Variants in CPNE9 observed in about 807,000 individuals in gnomAD.
CPNE9 encodes copine family member 9.
Under a neutral mutation model 83.0 loss-of-function variants are expected in CPNE9, and 59 were observed. The ratio of observed to expected loss-of-function variants is 0.71; its 90% CI spans 0.58 to 0.88. CPNE9 has a LOEUF of 0.88. Ranked by LOEUF, CPNE9 falls within the 40% of genes least tolerant of loss-of-function variation. CPNE9 has a pLI of 0.00. For synonymous variants in CPNE9, 256 were observed against 273.4 expected, an observed-to-expected ratio of 0.94 and a Z score of 0.63; for missense variants, 619 against 720.8, an observed-to-expected ratio of 0.86 and a Z score of 1.62.
Position 9,708,105 on chromosome 3 carries a change from C to G in CPNE9, c.377+2042C>G, listed in dbSNP as rs142721528. Among the ~76,000 whole-genome samples the G allele has an allele frequency of 3.3e-5, 5 of 152,238 alleles. No individual in the cohort carries two copies. The East Asian group carries it at 9.7e-4, about 29-fold the overall frequency. On this transcript the variant is annotated intron_variant, in intron 7 of 20. Transcript: ENST00000383832. Reference sequence around the variant, plus strand: ...GGAACTACAAGTGGATGCCAGCAGCCCCAGCTAATTTTTAAATTATTTTTT... The same window carrying G: ...GGAACTACAAGTGGATGCCAGCAGCGCCAGCTAATTTTTAAATTATTTTTT...
At chr3:9,717,505 T>C (rs2076694518) in intron 15 of CPNE9, among the ~76,000 whole-genome samples, 1 of 152,078 alleles carries the variant, frequency 6.6e-6, no homozygotes, top group African/African-American at 2.4e-5. Flanking sequence ...AAAGTTTAAG[T>C]TGGGGAAATA....
In CPNE9 at chr3:9,726,710, G is replaced by C; in HGVS notation, c.1390G>C (p.Ala464Pro). The change falls in exon 19 of 21, where the codon GCC becomes CCC. Residue 464 changes from alanine (A) to proline (P), a missense_variant. Coordinates refer to ENST00000383832, the MANE Select transcript of CPNE9 (RefSeq NM_153635.3). ...TATCATTATCGTCGGTGTAGGACCA[G>C]CCATGTTTGAGGGTGAGTAGGAAGG... ...MSIIIVGVGP[A>P]MFEAMEELDG... The C allele has an allele frequency of 6.2e-7, 1 of 1,614,006 alleles. No homozygotes were observed. Among genetic ancestry groups the C allele is most frequent in the Non-Finnish European group, 8.5e-7 (1 of 1,179,892 alleles).
chr3:9,705,469 A>G lies in CPNE9; in HGVS notation c.266A>G (p.Asn89Ser). ...CGGTTCCACTCTTTTCCCAGGTACA[A>G]CGTGGACTCCAAAACCAACATCTCC... Reference protein sequence around the residue: ...EKQNLRFDVYNVDSKTNISKP... With the variant: ...EKQNLRFDVYSVDSKTNISKP... The change falls in exon 5 of 21, where the codon AAC becomes AGC. Residue 89 changes from asparagine to serine, a missense_variant. Physicochemically the swap from Asn to Ser is conservative, Grantham distance 46. Transcript: ENST00000383832. The G allele has an allele frequency of 5.1e-6, 8 of 1,567,360 alleles. No homozygotes were observed. Among genetic ancestry groups the G allele is most frequent in the Non-Finnish European group, 6.9e-6 (8 of 1,154,466 alleles).
rs746351427 is a variant in CPNE9 at position 9,713,051 on chromosome 3, C to T, written c.622C>T (p.Arg208Trp). ...GTGGCAGCCCTTCAGCATCCCTGTG[C>T]GGGCTCTGTGCAATGGAGACTATGA... is the stretch of plus-strand genomic sequence containing the variant. ...PVWQPFSIPV[R>W]ALCNGDYDRT... Residue 208 changes from arginine to tryptophan, a missense_variant, in exon 10 of 21, where the codon CGG (arginine) becomes TGG (tryptophan). Arg to Trp is a moderately radical substitution (Grantham distance 101, BLOSUM62 -3). Coordinates refer to ENST00000383832, the MANE Select transcript of CPNE9 (RefSeq NM_153635.3). 10 of 1,614,038 alleles carry T rather than the reference C, an allele frequency of 6.2e-6. No individual in the cohort carries two copies. Among genetic ancestry groups the T allele is most frequent in the South Asian group, 1.1e-5 (1 of 91,076 alleles).
chr3:9,712,688 A>G lies in CPNE9; in HGVS notation c.442-37A>G, dbSNP rs144773387. 3.7e-5 allele frequency: 59 copies of G among 1,608,636 alleles called. No homozygotes were observed. In the African/African-American group the frequency reaches 5.3e-4, roughly 15 times the overall value. ...ATGGACTGTCTGAAGGCTATGGACAATTGGGGTGCCACCAGCCCAACTTCA... is the reference window on the plus strand; with the variant it reads ...ATGGACTGTCTGAAGGCTATGGACAGTTGGGGTGCCACCAGCCCAACTTCA... On this transcript the variant is annotated intron_variant, in intron 8 of 20. Transcript: ENST00000383832.
chr3:9,713,688 C>T (rs896023126), intron 10 of CPNE9, among the ~76,000 whole-genome samples: 5 of 151,906 alleles, frequency 3.3e-5, no homozygotes, highest in Non-Finnish European at 4.4e-5. Flanking sequence ...AATGGATGAA[C>T]GGATGGATTT....
At chr3:9,727,223 G>A in intron 20 of CPNE9, 37 bp downstream of exon 20, 1 of 1,610,488 alleles carries the variant, frequency 6.2e-7, no homozygotes, top group Non-Finnish European at 8.5e-7. Context: ...GAGCTGAGAG[G>A]CACAGTGAGA....
In CPNE9 at chr3:9,704,970, A is replaced by G; in HGVS notation, c.236A>G (p.Glu79Gly). 6.2e-7 allele frequency: 1 copy of G among 1,612,732 alleles called. No homozygotes were observed. The highest frequency in any genetic ancestry group is 2.2e-5 in the East Asian group (1 of 44,866). The stretch of plus-strand genomic sequence containing the variant: ...TTCGTCCTCGACTATTTCTTTGAGG[A>G]AAAGCAAAATCTGCGCTTCGATGTG... ...RKFVLDYFFE[E>G]KQNLRFDVYN... is the part of the protein sequence containing the mutation. The change falls in exon 4 of 21, where the codon GAA becomes GGA. Residue 79 changes from glutamate (E) to glycine (G), a missense_variant. Physicochemically the swap from Glu to Gly is moderately conservative, Grantham distance 98. Coordinates refer to ENST00000383832, the MANE Select transcript of CPNE9 (RefSeq NM_153635.3). This position sits in a 1 kb window ranked among gnomAD's most constrained non-coding sequence, Gnocchi z 7.1.
intron 10 of CPNE9, 82 bp from the exon 11 acceptor site, chr3:9,714,832 G>T: frequency 8.7e-7 from 1 of 1,153,108 alleles, no homozygotes; most frequent in South Asian, 1.4e-5. Flanking sequence ...ATGGGGAGAT[G>T]ATATGTGTGT....
intron 17 of CPNE9, among the ~76,000 whole-genome samples, chr3:9,720,692 T>C (rs1399630148): frequency 1.3e-5 from 2 of 152,260 alleles, no homozygotes; most frequent in East Asian, 3.8e-4. Flanking sequence ...GATTTTTTTT[T>C]CACTAATACT....
chr3:9,711,080 T>C (rs1430847631), intron 7 of CPNE9, among the ~76,000 whole-genome samples: 1 of 152,072 alleles, frequency 6.6e-6, no homozygotes, highest in Non-Finnish European at 1.5e-5. Flanking sequence ...GGAATGATTA[T>C]TATAATCACT....
In CPNE9 at chr3:9,725,646, G is replaced by GTATATATGTA. The variant is rs765750387; in HGVS notation, c.1242-294_1242-293insATATATATGT. Among the ~76,000 whole-genome samples, 227 of 65,116 alleles carry GTATATATGTA rather than the reference G, an allele frequency of 3.5e-3. 3 individuals carry two copies. The highest frequency in any genetic ancestry group is 0.015 in the East Asian group (38 of 2,606). 42.7% of individuals were successfully genotyped at this position (65,116 alleles called of 152,430 possible). A position where few individuals can be genotyped will look rare whatever the true frequency, so the allele number is the denominator to read the frequency against. ...TATATATATGTATATACATGTATGT[G>GTATATATGTA]TATATATGTGTATATATGTATATAT... On this transcript the variant is annotated intron_variant, in intron 17 of 20. Coordinates refer to ENST00000383832, the MANE Select transcript of CPNE9 (RefSeq NM_153635.3).
intron 17 of CPNE9, among the ~76,000 whole-genome samples, chr3:9,724,730 ATC>A (rs1213106054): frequency 2.4e-5 from 3 of 124,730 alleles, no homozygotes; most frequent in Non-Finnish European, 1.7e-5. Flanking sequence ...CTATCTATCT[ATC>A]TATCTATCTA....
At chr3:9,715,232 C>G in intron 11 of CPNE9, 57 bp from the exon 12 acceptor site, 1 of 1,558,292 alleles carries the variant, frequency 6.4e-7, no homozygotes, top group Admixed American at 1.7e-5. Context: ...AGACTGGGTT[C>G]AGCTCTGGTT....
chr3:9,724,482 G>A (rs189912473), intron 17 of CPNE9, among the ~76,000 whole-genome samples: 4 of 152,280 alleles, frequency 2.6e-5, no homozygotes, highest in Admixed American at 2.6e-4. Flanking sequence ...AATCTTGCCA[G>A]GGGTTGATAA....
Position 9,718,498 on chromosome 3 carries a change from C to T in CPNE9, c.1137C>T (p.Asn379=). ...FPLNNNDEDP[N]CAGIEGVLES... is the part of the protein sequence containing the mutation. ...AGAACAACAATGATGAGGACCCCAA[C>T]TGTGCGGGCATCGAGGGTGTGCTGG... The change falls in exon 17 of 21, where the codon AAC becomes AAT. Residue 379 remains asparagine (N), a synonymous_variant. Coordinates refer to ENST00000383832, the MANE Select transcript of CPNE9 (RefSeq NM_153635.3). 6.2e-7 allele frequency: 1 copy of T among 1,613,490 alleles called. No homozygotes were observed. The highest frequency in any genetic ancestry group is 8.5e-7 in the Non-Finnish European group (1 of 1,179,926).
chr3:9,709,013 C>T (rs922215265), intron 7 of CPNE9, among the ~76,000 whole-genome samples: 1 of 151,152 alleles, frequency 6.6e-6, no homozygotes, highest in Admixed American at 6.6e-5. Flanking sequence ...GTGGTTCACA[C>T]CTGTAATCCC....
chr3:9,704,195 A>T lies in CPNE9; in HGVS notation c.68+131A>T. 2 of 847,120 alleles carry T rather than the reference A, an allele frequency of 2.4e-6. No individual in the cohort carries two copies. The highest frequency in any genetic ancestry group is 2.7e-5 in the East Asian group (1 of 37,000). The allele number at this position is 847,120 out of a possible 1,614,324, so 52.5% of individuals were successfully genotyped here. On this transcript the variant is annotated intron_variant, in intron 1 of 20. Transcript: ENST00000383832. The surrounding 1 kb of genome is among the most constrained non-coding windows in gnomAD (Gnocchi z 7.1). ...ATTGGCTGGAAAATCACAGCTGATG[A>T]CAGGGCGAGTAGCTGGTGGGATCGA...
At chr3:9,718,427 G>T in intron 16 of CPNE9, 48 bp from the exon 17 acceptor site, 3 of 1,592,608 alleles carry the variant, frequency 1.9e-6, no homozygotes, top group Non-Finnish European at 1.7e-6. Flanking sequence ...GAGCACTCCT[G>T]CATGTACCCT....
Sources: gnomAD v4.1 joint callset for allele counts (sites outside exome capture counted in the v4.1 genomes callset) on GRCh38, gnomAD v4.1.1 for gene constraint, Gnocchi (gnomAD v3.1) non-coding constraint, MANE v1.5 for transcripts, NCBI Gene and HGNC (gene_info 2026-07-23, HGNC 2026-07-21) for gene names.